The following ACTN4 variants were observed in gnomAD, a reference collection of about 807,000 sequenced individuals.
ACTN4 encodes alpha-actinin-4.
ACTN4 carries 18 observed loss-of-function variants against 114.2 expected under a neutral mutation model. That is an observed-to-expected ratio of 0.16 (90% CI 0.11 to 0.23). The LOEUF (loss-of-function observed/expected upper bound fraction) is 0.23. Ranked by LOEUF, ACTN4 falls within the 10% of genes least tolerant of loss-of-function variation. ACTN4 has a pLI of 1.00. For synonymous variants in ACTN4, 515 were observed against 506.3 expected, an observed-to-expected ratio of 1.02 and a Z score of -0.23; for missense variants, 722 against 1,262.9, an observed-to-expected ratio of 0.57 and a Z score of 6.49.
At chr19:38,682,211 A>G (rs1270905495) in intron 1 of ACTN4, among the ~76,000 whole-genome samples, 2 of 151,750 alleles carry the variant, frequency 1.3e-5, no homozygotes, top group Non-Finnish European at 2.9e-5. Flanking sequence ...AATTTTGTTT[A>G]TTTATTTTTA....
chr19:38,721,846 A>G lies in ACTN4; in HGVS notation c.1442+158A>G, dbSNP rs2306198. ...CTTCCAGAAGCCAGGGAAGGGCCTT[A>G]TGGGATGAGGCCTTTTGCCCATCCT... On this transcript the variant is annotated intron_variant, in intron 12 of 20. Coordinates refer to ENST00000252699, the MANE Select transcript of ACTN4 (RefSeq NM_004924.6). The G allele has an allele frequency of 7.1e-5, 77 of 1,088,694 alleles. No individual in the cohort carries two copies. In the East Asian group the frequency reaches 1.9e-3, roughly 27 times the overall value. 67.4% of individuals were successfully genotyped at this position (1,088,694 alleles called of 1,614,324 possible).
rs904804981 is a variant in ACTN4 at position 38,647,700 on chromosome 19, C to T, written c.-46C>T. 17 of 1,514,024 alleles carry T rather than the reference C, an allele frequency of 1.1e-5. No individual in the cohort carries two copies. The highest frequency in any genetic ancestry group is 1.4e-5 in the African/African-American group (1 of 69,054). 93.8% of individuals were successfully genotyped at this position (1,514,024 alleles called of 1,614,324 possible). On this transcript the variant is annotated 5_prime_UTR_variant, in exon 1 of 21. Coordinates refer to ENST00000252699, the MANE Select transcript of ACTN4 (RefSeq NM_004924.6). The stretch of plus-strand genomic sequence containing the variant: ...GGCGGCTCGGGCAGAGGGGCGGGAG[C>T]TGAGGCGGGAGCGGACAGGCTGGTG...
intron 1 of ACTN4, among the ~76,000 whole-genome samples, chr19:38,688,728 A>G (rs1219346936): frequency 6.9e-6 from 1 of 144,590 alleles, no homozygotes; most frequent in Non-Finnish European, 1.5e-5. Context: ...CCCCAACCCT[A>G]AAACAAAAAA....
chr19:38,718,133 C>G lies in ACTN4; in HGVS notation c.1291+59C>G, dbSNP rs1968909492. 5.1e-6 allele frequency: 8 copies of G among 1,561,118 alleles called. No homozygotes were observed. In the East Asian group the frequency reaches 1.9e-4, roughly 37 times the overall value. Reference sequence around the variant, plus strand: ...CCGCTCCCGTGCTCCCCTCCTGTCTCTCAGGCATGCATGGGTGTGCACACA... The same window carrying G: ...CCGCTCCCGTGCTCCCCTCCTGTCTGTCAGGCATGCATGGGTGTGCACACA... On this transcript the variant is annotated intron_variant, in intron 11 of 20. Transcript: ENST00000252699.
At chr19:38,719,124 C>G (rs1181360824) in intron 11 of ACTN4, among the ~76,000 whole-genome samples, 1 of 152,230 alleles carries the variant, frequency 6.6e-6, no homozygotes, top group Non-Finnish European at 1.5e-5. Flanking sequence ...GATTTCATCA[C>G]GTCCCTGGCC....
intron 1 of ACTN4, among the ~76,000 whole-genome samples, chr19:38,675,278 T>G (rs1967337547): frequency 6.6e-6 from 1 of 152,288 alleles, no homozygotes; most frequent in South Asian, 2.1e-4. Context: ...GGGTGTTGCT[T>G]TCTTGGTTTT....
chr19:38,711,535 C>T (rs1174668602), intron 8 of ACTN4, among the ~76,000 whole-genome samples: 1 of 152,224 alleles, frequency 6.6e-6, no homozygotes, highest in Non-Finnish European at 1.5e-5. Context: ...GCAGGTTTCC[C>T]GCCTGGCCGG....
Position 38,729,302 on chromosome 19 carries a change from G to A in ACTN4, c.2606G>A (p.Arg869Lys). Residue 869 changes from arginine to lysine, a missense_variant, in exon 21 of 21, where the codon AGA becomes AAA. Physicochemically the swap from Arg to Lys is conservative, Grantham distance 26. Coordinates refer to ENST00000252699, the MANE Select transcript of ACTN4 (RefSeq NM_004924.6). The part of the protein sequence containing the change: ...KNFITAEELR[R>K]ELPPDQAEYC... ...TTCATCACAGCTGAGGAGCTGCGGAGAGAGCTGCCCCCCGACCAGGCCGAG... is the reference window on the plus strand; with the variant it reads ...TTCATCACAGCTGAGGAGCTGCGGAAAGAGCTGCCCCCCGACCAGGCCGAG... 1 of 1,612,900 alleles carries A rather than the reference G, an allele frequency of 6.2e-7. No individual in the cohort carries two copies. The highest frequency in any genetic ancestry group is 8.5e-7 in the Non-Finnish European group (1 of 1,179,990).
rs986125473 is a variant in ACTN4, at chr19:38,731,144, C to A, written c.*1712C>A. The A allele has an allele frequency of 3.7e-6, 6 of 1,613,056 alleles. No individual in the cohort carries two copies. The highest frequency in any genetic ancestry group is 5.1e-6 in the Non-Finnish European group (6 of 1,179,968). On this transcript the variant is annotated 3_prime_UTR_variant, in exon 21 of 21. Transcript: ENST00000252699. Reference sequence around the variant, plus strand: ...TGAGGTGGGCCACACAGGACACGAACCGCTCGAAGTCCACACGCAGACGGC... The same window carrying A: ...TGAGGTGGGCCACACAGGACACGAAACGCTCGAAGTCCACACGCAGACGGC...
Position 38,723,945 on chromosome 19 carries a change from G to A in ACTN4, c.1560G>A (p.Glu520=), listed in dbSNP as rs756523749. The change falls in exon 14 of 21, where the codon GAG becomes GAA. Residue 520 remains glutamate, a synonymous_variant. Transcript: ENST00000252699. ...TCCCTCCCACACACTAGAAAACAGA[G>A]AAGCAGCTGGAGGCCATCGACCAGC... is the stretch of plus-strand genomic sequence containing the variant. ...HSRREALEKT[E]KQLEAIDQLH... 21 of 1,612,040 alleles carry A rather than the reference G, an allele frequency of 1.3e-5. No individual in the cohort carries two copies. The highest frequency in any genetic ancestry group is 1.3e-5 in the African/African-American group (1 of 74,252).
intron 1 of ACTN4, among the ~76,000 whole-genome samples, chr19:38,693,983 TC>T (rs1378078327): frequency 1.3e-5 from 2 of 152,186 alleles, no homozygotes; most frequent in East Asian, 3.9e-4. Context: ...CAGAGAAGCC[TC>T]TTTAATAGGC....
intron 1 of ACTN4, among the ~76,000 whole-genome samples, chr19:38,700,038 C>T (rs1968218083): frequency 6.6e-6 from 1 of 152,188 alleles, no homozygotes; most frequent in Admixed American, 6.5e-5. Flanking sequence ...ACGTAGCAGC[C>T]TGAGCTCCTG....
chr19:38,700,683 C>T lies in ACTN4; in HGVS notation c.246C>T (p.Leu82=), dbSNP rs77307137. The part of the protein sequence containing the change: ...ENIDEDFRDG[L]KLMLLLEVIS... ...TTGATGAGGACTTCCGAGACGGGCT[C>T]AAGCTCATGCTGCTCCTGGAGGTCA... Residue 82 remains leucine, a synonymous_variant, in exon 2 of 21, where the codon CTC becomes CTT. Transcript: ENST00000252699. 43,211 of 1,614,060 alleles carry T rather than the reference C, an allele frequency of 0.027. 1,005 individuals are homozygous for T. Among genetic ancestry groups the T allele is most frequent in the Admixed American group, 0.11 (6,396 of 60,028 alleles).
intron 11 of ACTN4, among the ~76,000 whole-genome samples, chr19:38,719,720 G>A (rs1373809571): frequency 6.6e-6 from 1 of 152,266 alleles, no homozygotes; most frequent in Non-Finnish European, 1.5e-5. Context: ...AGGCCTGGGC[G>A]TCGCCCTGTG....
chr19:38,674,470 T>C (rs1476526101), intron 1 of ACTN4, among the ~76,000 whole-genome samples: 1 of 152,162 alleles, frequency 6.6e-6, no homozygotes, highest in Non-Finnish European at 1.5e-5. Context: ...AAAAAGAACT[T>C]CCCAGCCGAG....
intron 1 of ACTN4, among the ~76,000 whole-genome samples, chr19:38,675,732 G>A (rs1251414141): frequency 2.0e-5 from 3 of 152,212 alleles, no homozygotes; most frequent in Non-Finnish European, 4.4e-5. Flanking sequence ...CCTGATGAAA[G>A]GTCAGCTGGG....
Position 38,724,001 on chromosome 19 carries a change from C to T in ACTN4, c.1616C>T (p.Pro539Leu). 6.2e-7 allele frequency: 1 copy of T among 1,613,862 alleles called. No individual in the cohort carries two copies. The highest frequency in any genetic ancestry group is 8.5e-7 in the Non-Finnish European group (1 of 1,180,002). Residue 539 changes from proline (P) to leucine (L), a missense_variant, in exon 14 of 21, where the codon CCC (proline) becomes CTC (leucine). Transcript: ENST00000252699. This position sits in a 1 kb window ranked among gnomAD's most constrained non-coding sequence, Gnocchi z 7.0. Reference protein sequence around the residue: ...LHLEYAKRAAPFNNWMESAME... With the variant: ...LHLEYAKRAALFNNWMESAME... ...CTGGAATACGCCAAGCGCGCGGCCCCCTTCAACAACTGGATGGAGAGCGCC... is the reference window on the plus strand; with the variant it reads ...CTGGAATACGCCAAGCGCGCGGCCCTCTTCAACAACTGGATGGAGAGCGCC...
chr19:38,719,583 G>A (rs112235278), intron 11 of ACTN4, among the ~76,000 whole-genome samples: 3,442 of 152,372 alleles, frequency 0.023, 53 homozygotes, highest in Non-Finnish European at 0.037. Context: ...TGGCAGAAAG[G>A]CACCCATGTG....
chr19:38,731,509 A>T lies in ACTN4; in HGVS notation c.*2077A>T, dbSNP rs1470924545. ...GATGTGTGGGTACTGTTACTCCTTA[A>T]ATCCTGTGGGGCTTTCTCCTTGCCA... On this transcript the variant is annotated 3_prime_UTR_variant, in exon 21 of 21. Transcript: ENST00000252699. 2 of 483,188 alleles carry T rather than the reference A, an allele frequency of 4.1e-6. No homozygotes were observed. The allele number at this position is 483,188 out of a possible 1,614,324, so 29.9% of individuals were successfully genotyped here.
Sources: gnomAD v4.1 joint callset for allele counts (sites outside exome capture counted in the v4.1 genomes callset) on GRCh38, gnomAD v4.1.1 for gene constraint, Gnocchi (gnomAD v3.1) non-coding constraint, MANE v1.5 for transcripts, NCBI Gene and HGNC (gene_info 2026-07-23, HGNC 2026-07-21) for gene names.